Variants in SLC17A5 observed in about 807,000 individuals in gnomAD.
The protein encoded by SLC17A5 is sialin.
Under a neutral mutation model 59.4 loss-of-function variants are expected in SLC17A5, and 47 were observed. The ratio of observed to expected loss-of-function variants is 0.79; its 90% CI spans 0.63 to 1.01. The LOEUF (loss-of-function observed/expected upper bound fraction) is 1.01, where lower values mean the gene tolerates loss of function less well. Ranked by LOEUF, SLC17A5 falls within the 50% of genes least tolerant of loss-of-function variation. The pLI is 0.00. For synonymous variants in SLC17A5, 202 were observed against 210.7 expected (o/e 0.96, Z 0.36); for missense variants, 522 against 595.5 (o/e 0.88, Z 1.28).
Position 73,613,370 on chromosome 6 carries a change from A to AT in SLC17A5, c.1111+1944_1111+1945insA, listed in dbSNP as rs1488776814. 1.5e-3 allele frequency among the ~76,000 whole-genome samples: 188 copies of AT among 123,776 alleles called. 1 individual carries two copies. The highest frequency in any genetic ancestry group is 6.6e-3 in the African/African-American group (185 of 28,118). The allele number at this position is 123,776 out of a possible 152,430, so 81.2% of individuals were successfully genotyped here. On this transcript the variant is annotated intron_variant, in intron 8 of 10. Transcript: ENST00000355773. ...CCATGGTGGAGATAAATCTTTTATA[A>AT]ATTTTTTTTTTTTGAGACAGGATCT...
intron 9 of SLC17A5, among the ~76,000 whole-genome samples, chr6:73,606,584 C>T (rs977979773): frequency 3.3e-5 from 5 of 150,844 alleles, no homozygotes; most frequent in African/African-American, 1.2e-4. Flanking sequence ...ACTTCAACCA[C>T]CCACCTGATG....
At chr6:73,652,159 TAAA>T (rs1310051562) in intron 1 of SLC17A5, among the ~76,000 whole-genome samples, 1 of 151,880 alleles carries the variant, frequency 6.6e-6, no homozygotes, top group Non-Finnish European at 1.5e-5. Flanking sequence ...AGAGGGAAAA[TAAA>T]AAAGGAAATG....
At chr6:73,622,855 A>AT (rs1768214726) in intron 6 of SLC17A5, among the ~76,000 whole-genome samples, 1 of 152,086 alleles carries the variant, frequency 6.6e-6, no homozygotes. Context: ...ATTTATTTCC[A>AT]TTTTTACTCA....
intron 9 of SLC17A5, among the ~76,000 whole-genome samples, chr6:73,602,760 G>A (rs192286992): frequency 8.5e-5 from 12 of 141,186 alleles, no homozygotes; most frequent in African/African-American, 3.3e-4. Flanking sequence ...GGCCGACAGA[G>A]CGAGACTCCG....
intron 9 of SLC17A5, among the ~76,000 whole-genome samples, chr6:73,606,119 T>C (rs538628678): frequency 5.1e-4 from 78 of 152,252 alleles, no homozygotes; most frequent in African/African-American, 1.8e-3. Context: ...CTCTGCTCAC[T>C]GCAACCTCCA....
chr6:73,622,023 G>GT, intron 6 of SLC17A5, 61 bp from the exon 7 acceptor site: 1 of 1,513,644 alleles, frequency 6.6e-7, no homozygotes, highest in South Asian at 1.1e-5. Context: ...GATCTGTACC[G>GT]TATCAGCTAA....
intron 9 of SLC17A5, among the ~76,000 whole-genome samples, chr6:73,608,977 G>A (rs1026129282): frequency 1.3e-5 from 2 of 152,116 alleles, no homozygotes; most frequent in Non-Finnish European, 2.9e-5. Context: ...CTACAGTGGC[G>A]TCACTGCACT....
intron 9 of SLC17A5, among the ~76,000 whole-genome samples, chr6:73,601,635 GT>G (rs1427484463): frequency 2.4e-5 from 2 of 83,628 alleles, no homozygotes; most frequent in Admixed American, 1.0e-4. Flanking sequence ...CGGGAGGGAG[GT>G]GGGGGGGGGT....
chr6:73,607,423 C>T (rs1405551592), intron 9 of SLC17A5, among the ~76,000 whole-genome samples: 3 of 152,072 alleles, frequency 2.0e-5, no homozygotes, highest in Non-Finnish European at 4.4e-5. Context: ...CCTACCACCC[C>T]ACCTGGCTAA....
chr6:73,621,534 G>A (rs1768154211), intron 7 of SLC17A5, among the ~76,000 whole-genome samples: 1 of 152,196 alleles, frequency 6.6e-6, no homozygotes, highest in Admixed American at 6.6e-5. Context: ...TTTAAAAACT[G>A]AGTTGTCTTT....
chr6:73,637,805 C>A (rs527715233), intron 4 of SLC17A5, among the ~76,000 whole-genome samples: 5 of 151,764 alleles, frequency 3.3e-5, no homozygotes, highest in African/African-American at 1.2e-4. Flanking sequence ...AAAAGCAGTC[C>A]GGTGGAAAAA....
chr6:73,648,025 C>T (rs900979176), intron 1 of SLC17A5, among the ~76,000 whole-genome samples: 4 of 152,112 alleles, frequency 2.6e-5, no homozygotes, highest in African/African-American at 4.8e-5. Flanking sequence ...GCCGAGATCA[C>T]GCCATCGCAC....
intron 5 of SLC17A5, among the ~76,000 whole-genome samples, chr6:73,636,283 GAA>G (rs58330140): frequency 2.0e-4 from 19 of 95,620 alleles, no homozygotes; most frequent in East Asian, 8.7e-4. Flanking sequence ...TAAGTAAAAA[GAA>G]AAAAAAAAAA....
chr6:73,644,551 AC>A lies in SLC17A5; in HGVS notation c.146del (p.Gly49ValfsTer10), dbSNP rs2150120888. On this transcript the variant is annotated frameshift_variant, in exon 2 of 11. Transcript: ENST00000355773. LOFTEE classifies it high-confidence loss of function. ...CACGTAATGCATACACAATGAAGAA[AC>A]CAAAAAAGGCCAAAATTGCTAAGTT... ...RYNLAILAFF[G>X]FFIVYALRVN... 6.2e-7 allele frequency: 1 copy of A among 1,614,188 alleles called. No homozygotes were observed. Among genetic ancestry groups the A allele is most frequent in the Non-Finnish European group, 8.5e-7 (1 of 1,180,012 alleles).
chr6:73,641,671 A>G lies in SLC17A5; in HGVS notation c.525+20T>C. The G allele has an allele frequency of 1.3e-6, 2 of 1,541,342 alleles. No individual in the cohort carries two copies. The highest frequency in any genetic ancestry group is 1.8e-6 in the Non-Finnish European group (2 of 1,121,594). The stretch of plus-strand genomic sequence containing the variant: ...GGAGACACACGGTAAGAAGTAAAAC[A>G]AGAGAGAAAAGAAAATTACCTCTCC... On this transcript the variant is annotated intron_variant, in intron 3 of 10. Coordinates refer to ENST00000355773, the MANE Select transcript of SLC17A5 (RefSeq NM_012434.5).
chr6:73,626,202 T>C (rs576561445), intron 6 of SLC17A5, among the ~76,000 whole-genome samples: 9 of 152,334 alleles, frequency 5.9e-5, no homozygotes, highest in Non-Finnish European at 1.3e-4. Flanking sequence ...TAAATATCAA[T>C]TGAGTTTTTG....
intron 6 of SLC17A5, among the ~76,000 whole-genome samples, chr6:73,631,848 C>T (rs1443755758): frequency 1.3e-5 from 2 of 151,096 alleles, no homozygotes; most frequent in Admixed American, 6.6e-5. Flanking sequence ...ATTTTTAAGT[C>T]CTCAGCTGAC....
intron 3 of SLC17A5, 51 bp from the exon 4 acceptor site, chr6:73,638,550 A>C (rs1247496612): frequency 7.2e-7 from 1 of 1,385,620 alleles, no homozygotes; most frequent in South Asian, 1.2e-5. Context: ...TAGTTTTGTT[A>C]ATGCTTTAAA....
chr6:73,650,326 G>C (rs1172747429), intron 1 of SLC17A5, among the ~76,000 whole-genome samples: 1 of 151,518 alleles, frequency 6.6e-6, no homozygotes, highest in Admixed American at 6.6e-5. Flanking sequence ...TGGCTAACAC[G>C]GTGAAACCCC....
Sources: gnomAD v4.1 joint callset for allele counts (sites outside exome capture counted in the v4.1 genomes callset) on GRCh38, gnomAD v4.1.1 for gene constraint, MANE v1.5 for transcripts, NCBI Gene and HGNC (gene_info 2026-07-23, HGNC 2026-07-21) for gene names.